The following IL1A variants were observed in gnomAD, a reference collection of about 807,000 sequenced individuals.
The protein encoded by IL1A is interleukin-1 alpha.
Under a neutral mutation model 22.2 loss-of-function variants are expected in IL1A, and 16 were observed. The observed-to-expected ratio is 0.72, with a 90% CI of 0.49 to 1.09. The LOEUF (loss-of-function observed/expected upper bound fraction) is 1.09, where lower values mean the gene tolerates loss of function less well. Among genes scored for constraint, IL1A ranks in the 50% least tolerant of loss-of-function variants. IL1A has a pLI of 0.00. For synonymous variants in IL1A, 113 were observed against 118.5 expected (o/e 0.95, Z 0.30); for missense variants, 317 against 321.8 (o/e 0.99, Z 0.11).
chr2:112,775,149 G>T lies in IL1A; in HGVS notation c.734C>A (p.Ala245Asp), dbSNP rs926948361. The T allele has an allele frequency of 6.2e-7, 1 of 1,614,156 alleles. No individual in the cohort carries two copies. The change falls in exon 7 of 7, where the codon GCC becomes GAC. Residue 245 changes from alanine to aspartate, a missense_variant. By Grantham distance (126) the Ala-to-Asp change is moderately radical. Coordinates refer to ENST00000263339, the MANE Select transcript of IL1A (RefSeq NM_000575.5). Reference sequence around the variant, plus strand: ...GCACACCCAGTAGTCTTGCTTTGTGGCAATAAACAAGTTTGGATGGGCAAC... The same window carrying T: ...GCACACCCAGTAGTCTTGCTTTGTGTCAATAAACAAGTTTGGATGGGCAAC... ...TSVAHPNLFI[A>D]TKQDYWVCLA...
rs1347837615 is a variant in IL1A at position 112,778,014 on chromosome 2, T to G, written c.588A>C (p.Gln196His). ...TCAGCAGCACTGGTTGGTCTTCATC[T>G]TGGGCAGTCACATACAATTGAGTTT... ...ISKTQLYVTA[Q>H]DEDQPVLLKE... is the part of the protein sequence containing the mutation. The change falls in exon 6 of 7, where the codon CAA (glutamine) becomes CAC (histidine). Residue 196 changes from glutamine (Q) to histidine (H), a missense_variant. Coordinates refer to ENST00000263339, the MANE Select transcript of IL1A (RefSeq NM_000575.5). 3.7e-6 allele frequency: 6 copies of G among 1,614,200 alleles called. No individual in the cohort carries two copies. The highest frequency in any genetic ancestry group is 4.5e-5 in the East Asian group (2 of 44,884).
chr2:112,779,756 G>T, intron 4 of IL1A, 90 bp from the exon 5 acceptor site: 1 of 896,264 alleles, frequency 1.1e-6, no homozygotes, highest in Non-Finnish European at 1.6e-6. Flanking sequence ...AATAGTTCTG[G>T]AGGGGATATT....
chr2:112,781,546 A>G, intron 4 of IL1A, 58 bp downstream of exon 4: 1 of 1,315,152 alleles, frequency 7.6e-7, no homozygotes, highest in Non-Finnish European at 1.1e-6. Context: ...CCTAAATTCT[A>G]CTGTCCCTAC....
Position 112,781,711 on chromosome 2 carries a change from A to C in IL1A, c.212T>G (p.Met71Arg), listed in dbSNP as rs1377793527. The change falls in exon 4 of 7, where the codon ATG becomes AGG. Residue 71 changes from methionine to arginine, a missense_variant. Physicochemically the swap from Met to Arg is moderately conservative, Grantham distance 91 (BLOSUM62 -1). Transcript: ENST00000263339. ...KTSKLTFKES[M>R]VVVATNGKVL... ...CTTCCCGTTGGTTGCTACTACCACC[A>C]TGCTCTCCTTGAAGGTAAGCTTGGA... 5 of 1,614,178 alleles carry C rather than the reference A, an allele frequency of 3.1e-6. No individual in the cohort carries two copies. The highest frequency in any genetic ancestry group is 4.2e-6 in the Non-Finnish European group (5 of 1,180,010).
At chr2:112,776,294 G>A (rs532333403) in intron 6 of IL1A, among the ~76,000 whole-genome samples, 13 of 152,290 alleles carry the variant, frequency 8.5e-5, no homozygotes, top group African/African-American at 3.1e-4. Context: ...TGCAAGCTCT[G>A]CAAGCACTAG....
intron 4 of IL1A, among the ~76,000 whole-genome samples, chr2:112,780,384 T>C (rs1681176088): frequency 6.6e-6 from 1 of 152,244 alleles, no homozygotes; most frequent in African/African-American, 2.4e-5. Flanking sequence ...ACTGACGATA[T>C]GAGTGATTTT....
chr2:112,774,609 G>T lies in IL1A; in HGVS notation c.*458C>A, dbSNP rs1409597983. The T allele has an allele frequency of 6.5e-6, 1 of 153,844 alleles. No homozygotes were observed. The highest frequency in any genetic ancestry group is 1.9e-4 in the East Asian group (1 of 5,226). 9.5% of individuals were successfully genotyped at this position (153,844 alleles called of 1,614,324 possible). A position where few individuals can be genotyped will look rare whatever the true frequency, so the allele number is the denominator to read the frequency against. ...CCATTTTGAAAATGATAAAACTGAG[G>T]TCCCAGAAACTTATGCTATTTGATT... On this transcript the variant is annotated 3_prime_UTR_variant, in exon 7 of 7. Transcript: ENST00000263339.
At chr2:112,776,261 T>C (rs1162695444) in intron 6 of IL1A, among the ~76,000 whole-genome samples, 4 of 152,232 alleles carry the variant, frequency 2.6e-5, no homozygotes, top group Non-Finnish European at 4.4e-5. Flanking sequence ...TGGGTTTTCA[T>C]TGTACCTCAA....
At chr2:112,779,032 T>C (rs951373347) in intron 5 of IL1A, among the ~76,000 whole-genome samples, 6 of 152,256 alleles carry the variant, frequency 3.9e-5, no homozygotes, top group Admixed American at 6.5e-5. Context: ...ATTGGAGGTT[T>C]TGCCTCACAA....
chr2:112,781,367 G>A (rs1046372598), intron 4 of IL1A, among the ~76,000 whole-genome samples: 1 of 152,160 alleles, frequency 6.6e-6, no homozygotes, highest in African/African-American at 2.4e-5. Context: ...AAAGTCACAC[G>A]ACCTTTACAA....
intron 4 of IL1A, among the ~76,000 whole-genome samples, chr2:112,781,183 G>GTAA (rs1413295387): frequency 1.3e-5 from 2 of 152,128 alleles, no homozygotes; most frequent in Non-Finnish European, 2.9e-5. Flanking sequence ...TGTAAAGCCT[G>GTAA]AGACTCTTAA....
intron 6 of IL1A, among the ~76,000 whole-genome samples, chr2:112,776,228 T>C (rs1165660922): frequency 6.6e-6 from 1 of 152,212 alleles, no homozygotes; most frequent in Non-Finnish European, 1.5e-5. Flanking sequence ...GGTCAGGCCA[T>C]TGCACTGTGT....
intron 2 of IL1A, 147 bp downstream of exon 2, chr2:112,783,577 C>G (rs1681250764): frequency 1.6e-6 from 1 of 644,008 alleles, no homozygotes; most frequent in East Asian, 2.8e-5. Context: ...TCTGGGTCTT[C>G]TCTGAACCTG....
intron 4 of IL1A, among the ~76,000 whole-genome samples, chr2:112,779,973 T>G (rs1375570016): frequency 1.3e-5 from 2 of 152,058 alleles, no homozygotes; most frequent in African/African-American, 4.8e-5. Flanking sequence ...CAAGGAAGAC[T>G]ACCAGTATTT....
intron 6 of IL1A, 135 bp downstream of exon 6, chr2:112,777,852 T>C: frequency 2.6e-6 from 2 of 784,074 alleles, no homozygotes; most frequent in Non-Finnish European, 4.1e-6. Context: ...TCAATGGGAG[T>C]GGGGTGGGCA....
chr2:112,777,497 C>T (rs183837601), intron 6 of IL1A, among the ~76,000 whole-genome samples: 14 of 152,136 alleles, frequency 9.2e-5, no homozygotes, highest in African/African-American at 2.6e-4. Flanking sequence ...AGGACTGGGA[C>T]GAAGGATAAT....
chr2:112,782,142 A>C (rs1681220234), intron 3 of IL1A, among the ~76,000 whole-genome samples: 1 of 152,248 alleles, frequency 6.6e-6, no homozygotes, highest in African/African-American at 2.4e-5. Context: ...CAGGAGGTTA[A>C]AAATCTGCTT....
chr2:112,782,657 G>T, intron 3 of IL1A, 59 bp downstream of exon 3: 1 of 1,235,740 alleles, frequency 8.1e-7, no homozygotes, highest in Non-Finnish European at 1.2e-6. Flanking sequence ...GTTCTCTTTG[G>T]ATGAAGAAAC....
At position 112,779,616 on chromosome 2, in the gene IL1A, A is replaced by G. The variant is rs1558770308; in HGVS notation, c.370T>C (p.Tyr124His). 11 of 1,612,800 alleles carry G rather than the reference A, an allele frequency of 6.8e-6. No individual in the cohort carries two copies. The highest frequency in any genetic ancestry group is 7.6e-6 in the Non-Finnish European group (9 of 1,178,954). The change falls in exon 5 of 7, where the codon TAC becomes CAC. Residue 124 changes from tyrosine to histidine, a missense_variant. By Grantham distance (83) the Tyr-to-His change is moderately conservative. Coordinates refer to ENST00000263339, the MANE Select transcript of IL1A (RefSeq NM_000575.5). ...APFSFLSNVK[Y>H]NFMRIIKYEF... ...TATTTGATGATCCTCATAAAGTTGT[A>G]TTTCACATTGCTCAGGAAGCTAAAA...
Sources: gnomAD v4.1 joint callset for allele counts (sites outside exome capture counted in the v4.1 genomes callset) on GRCh38, gnomAD v4.1.1 for gene constraint, MANE v1.5 for transcripts, NCBI Gene and HGNC (gene_info 2026-07-23, HGNC 2026-07-21) for gene names.